Variants in WWOX observed in about 807,000 individuals in gnomAD.
The protein encoded by WWOX is WW domain-containing oxidoreductase.
Under a neutral mutation model 46.2 loss-of-function variants are expected in WWOX, and 69 were observed. The ratio of observed to expected loss-of-function variants is 1.49; its 90% CI spans 1.23 to 1.82. WWOX has a LOEUF of 1.82. Ranked by LOEUF, WWOX falls within the 40% of genes most tolerant of loss-of-function variation. WWOX has a pLI of 0.00. For missense variants in WWOX, 919 were observed against 542.6 expected (o/e 1.69, Z -6.89); for synonymous variants, 359 against 202.6 (o/e 1.77, Z -6.56).
At chr16:78,815,148 A>C (rs954844553) in intron 8 of WWOX, among the ~76,000 whole-genome samples, 1 of 152,108 alleles carries the variant, frequency 6.6e-6, no homozygotes, top group African/African-American at 2.4e-5. Flanking sequence ...AACATAGTGA[A>C]AACCCATCTC....
intron 8 of WWOX, among the ~76,000 whole-genome samples, chr16:78,480,770 A>T (rs1439732317): frequency 3.3e-5 from 5 of 152,220 alleles, no homozygotes; most frequent in Middle Eastern, 3.2e-3. Flanking sequence ...TCCATGTTGG[A>T]ACCTTTGCTC....
chr16:78,726,615 A>G (rs1418662407), intron 8 of WWOX, among the ~76,000 whole-genome samples: 1 of 152,164 alleles, frequency 6.6e-6, no homozygotes, highest in Non-Finnish European at 1.5e-5. Context: ...AGTCAACTAA[A>G]CAATTTATTT....
At chr16:78,510,069 GTCT>G (rs2085323071) in intron 8 of WWOX, among the ~76,000 whole-genome samples, 1 of 3,042 alleles carries the variant, frequency 3.3e-4, no homozygotes, top group Non-Finnish European at 5.2e-3. Flanking sequence ...CTCCAAGTCT[GTCT>G]GTCTGTCTGT....
At chr16:79,065,859 A>G (rs1176733550) in intron 8 of WWOX, among the ~76,000 whole-genome samples, 2 of 151,966 alleles carry the variant, frequency 1.3e-5, no homozygotes. Flanking sequence ...CTATGCTGTC[A>G]TATTCCTCTT....
intron 8 of WWOX, among the ~76,000 whole-genome samples, chr16:78,721,442 G>C (rs973494789): frequency 2.0e-5 from 3 of 152,276 alleles, no homozygotes; most frequent in East Asian, 3.9e-4. Flanking sequence ...AGAGTATTCA[G>C]CTGTCAGACA....
At position 79,042,682 on chromosome 16, in the gene WWOX, G is replaced by C. The variant is rs375616092; in HGVS notation, c.1057-168926G>C. ...TGCCAGTGGGCAGAAGGTTTTGCAA[G>C]AATAGCTTCAGGAAGACTTTGTGGG... On this transcript the variant is annotated intron_variant, in intron 8 of 8. Transcript: ENST00000566780. Among the ~76,000 whole-genome samples, 249 of 151,238 alleles carry C rather than the reference G, an allele frequency of 1.6e-3. 3 individuals carry two copies. In the South Asian group the frequency reaches 0.045, roughly 28 times the overall value.
chr16:78,889,558 C>G (rs747970445), intron 8 of WWOX, among the ~76,000 whole-genome samples: 7 of 152,130 alleles, frequency 4.6e-5, no homozygotes, highest in South Asian at 2.1e-4. Flanking sequence ...CCTGTGTCCA[C>G]TGGTCTCCAC....
chr16:78,804,854 G>C (rs536217043), intron 8 of WWOX, among the ~76,000 whole-genome samples: 4 of 152,314 alleles, frequency 2.6e-5, no homozygotes, highest in Non-Finnish European at 4.4e-5. Flanking sequence ...TGATCCTTAG[G>C]ATGTAGCCAT....
At chr16:78,837,945 G>A (rs988268992) in intron 8 of WWOX, among the ~76,000 whole-genome samples, 1 of 152,136 alleles carries the variant, frequency 6.6e-6, no homozygotes. Flanking sequence ...GGCACAGAAA[G>A]CTTGAATGAG....
chr16:78,810,455 G>C (rs888632680), intron 8 of WWOX, among the ~76,000 whole-genome samples: 1 of 152,146 alleles, frequency 6.6e-6, no homozygotes, highest in African/African-American at 2.4e-5. Context: ...TGTCAACTCA[G>C]AAAACATCCC....
chr16:78,539,352 T>G (rs1002048934), intron 8 of WWOX, among the ~76,000 whole-genome samples: 2 of 152,220 alleles, frequency 1.3e-5, no homozygotes, highest in Admixed American at 6.5e-5. Flanking sequence ...GCTCTCTGTT[T>G]CCCTGCTAGG....
chr16:79,158,694 GT>G (rs2050429020), intron 8 of WWOX, among the ~76,000 whole-genome samples: 1 of 152,156 alleles, frequency 6.6e-6, no homozygotes, highest in Admixed American at 6.5e-5. Flanking sequence ...ATTGCTTTTT[GT>G]AAGTCAGATC....
chr16:79,023,269 G>C (rs1018317472), intron 8 of WWOX, among the ~76,000 whole-genome samples: 1 of 152,170 alleles, frequency 6.6e-6, no homozygotes, highest in Non-Finnish European at 1.5e-5. Flanking sequence ...TTCTCCCTTT[G>C]CATTTATGCA....
chr16:78,409,947 A>T (rs2082638393), intron 6 of WWOX, among the ~76,000 whole-genome samples: 1 of 152,152 alleles, frequency 6.6e-6, no homozygotes, highest in Admixed American at 6.5e-5. Flanking sequence ...AAGGTGATAG[A>T]GTTTGCATGT....
At chr16:79,107,769 C>G (rs2049339462) in intron 8 of WWOX, among the ~76,000 whole-genome samples, 1 of 152,168 alleles carries the variant, frequency 6.6e-6, no homozygotes, top group Non-Finnish European at 1.5e-5. Context: ...TCATTAGGTG[C>G]TACATGAAAG....
chr16:78,106,098 C>T (rs567234555), intron 1 of WWOX, among the ~76,000 whole-genome samples: 3 of 152,246 alleles, frequency 2.0e-5, no homozygotes, highest in Admixed American at 6.5e-5. Flanking sequence ...CACCGTACCC[C>T]GCCACTCCAT....
At chr16:78,606,003 G>A (rs562190391) in intron 8 of WWOX, among the ~76,000 whole-genome samples, 7 of 152,268 alleles carry the variant, frequency 4.6e-5, no homozygotes, top group Non-Finnish European at 7.4e-5. Flanking sequence ...GCAGCTTCTC[G>A]AATGCCTATT....
chr16:78,618,096 C>T (rs1000233388), intron 8 of WWOX, among the ~76,000 whole-genome samples: 3 of 152,194 alleles, frequency 2.0e-5, no homozygotes, highest in African/African-American at 7.2e-5. Context: ...CCATGACTGT[C>T]CACATTTTGC....
chr16:78,788,952 A>G (rs1197610449), intron 8 of WWOX, among the ~76,000 whole-genome samples: 1 of 152,180 alleles, frequency 6.6e-6, no homozygotes, highest in Non-Finnish European at 1.5e-5. Context: ...TTGTTTATAT[A>G]TTTTGGAAAC....
Sources: allele counts gnomAD v4.1 joint callset (sites outside exome capture counted in the v4.1 genomes callset), GRCh38; gene constraint gnomAD v4.1.1; transcripts MANE v1.5; gene names NCBI Gene and HGNC (gene_info 2026-07-23, HGNC 2026-07-21).